The following HSD17B3 variants were observed in gnomAD, a reference collection of about 807,000 sequenced individuals.
HSD17B3 encodes the protein hydroxysteroid 17-beta dehydrogenase 3.
In HSD17B3, 29 loss-of-function variants were observed where a neutral mutation model predicts 41.1. The observed-to-expected ratio is 0.71, with a 90% CI of 0.53 to 0.96. The LOEUF is 0.96. Ranked by LOEUF, HSD17B3 falls within the 40% of genes least tolerant of loss-of-function variation. The pLI is 0.00. For synonymous variants in HSD17B3, 126 were observed against 145.6 expected, an observed-to-expected ratio of 0.87 and a Z score of 0.97; for missense variants, 323 against 374.6, an observed-to-expected ratio of 0.86 and a Z score of 1.14.
intron 2 of HSD17B3, among the ~76,000 whole-genome samples, chr9:96,256,479 C>CA (rs1305099215): frequency 2.0e-5 from 3 of 150,886 alleles, no homozygotes; most frequent in African/African-American, 7.4e-5. Flanking sequence ...ACTAAAAACA[C>CA]AAAAAATAAA....
At chr9:96,267,890 C>A (rs1564043636) in intron 2 of HSD17B3, among the ~76,000 whole-genome samples, 2 of 152,004 alleles carry the variant, frequency 1.3e-5, no homozygotes, top group African/African-American at 2.4e-5. Context: ...GCTGTGCCCC[C>A]ACAGCCTTCC....
chr9:96,252,111 C>CAACT (rs8190540), intron 4 of HSD17B3, among the ~76,000 whole-genome samples: 39,277 of 151,984 alleles, frequency 0.26, 5,301 homozygotes, highest in African/African-American at 0.3. Context: ...AGTCAATTCT[C>CAACT]AACTATACTA....
Position 96,284,063 on chromosome 9 carries a change from CA to C in HSD17B3, c.201+14352del, listed in dbSNP as rs987595339. On this transcript the variant is annotated intron_variant, in intron 2 of 10. Transcript: ENST00000375263. Reference sequence around the variant, plus strand: ...TGAAACCCCATCTCTACTAAAAATACAAAAAAAAATTAGCTGAGCATGGTGG... The same window carrying C: ...TGAAACCCCATCTCTACTAAAAATACAAAAAAAATTAGCTGAGCATGGTGG... 2.7e-5 allele frequency among the ~76,000 whole-genome samples: 4 copies of C among 150,226 alleles called. No homozygotes were observed. In the South Asian group the frequency reaches 8.5e-4, roughly 32 times the overall value.
chr9:96,252,892 C>G lies in HSD17B3; in HGVS notation c.296G>C (p.Ser99Thr). Residue 99 changes from serine to threonine, a missense_variant, in exon 4 of 11, where the codon AGT becomes ACT. Transcript: ENST00000375263. ...AAAATCTGCTTGTATAATCTTCACA[C>G]TCCTCCCTGTAGTCCGCTCTACACG... Reference protein sequence around the residue: ...ATEIERTTGRSVKIIQADFTK... With the variant: ...ATEIERTTGRTVKIIQADFTK... The G allele has an allele frequency of 6.2e-7, 1 of 1,610,354 alleles. No individual in the cohort carries two copies. Among genetic ancestry groups the G allele is most frequent in the Non-Finnish European group, 8.5e-7 (1 of 1,177,204 alleles).
chr9:96,267,990 T>C (rs1251869488), intron 2 of HSD17B3, among the ~76,000 whole-genome samples: 5 of 152,172 alleles, frequency 3.3e-5, no homozygotes, highest in Non-Finnish European at 5.9e-5. Context: ...AGTGGTGCGA[T>C]CTCAGCTCAC....
chr9:96,252,775 C>T (rs1825472753), intron 4 of HSD17B3, 28 bp downstream of exon 4: 2 of 1,168,776 alleles, frequency 1.7e-6, no homozygotes, highest in African/African-American at 1.5e-5. Flanking sequence ...TGTATGACAA[C>T]AAGCTTTGCA....
At chr9:96,245,103 G>A (rs1836607774) in intron 8 of HSD17B3, among the ~76,000 whole-genome samples, 1 of 152,206 alleles carries the variant, frequency 6.6e-6, no homozygotes. Flanking sequence ...TCCCAGAGGA[G>A]GTGAGTGGGG....
chr9:96,296,014 C>T (rs558491456), intron 2 of HSD17B3, among the ~76,000 whole-genome samples: 1 of 151,918 alleles, frequency 6.6e-6, no homozygotes, highest in African/African-American at 2.4e-5. Flanking sequence ...TTTGGGAGGC[C>T]GAGGCAGGCA....
At chr9:96,246,673 C>T (rs1035767783) in intron 6 of HSD17B3, 83 bp from the exon 7 acceptor site, 50 of 1,228,552 alleles carry the variant, frequency 4.1e-5, no homozygotes, top group Middle Eastern at 2.1e-4. Flanking sequence ...GAAGGGAGCG[C>T]GGGAGGAAGC....
chr9:96,281,699 C>T (rs145272901), intron 2 of HSD17B3, among the ~76,000 whole-genome samples: 7 of 152,244 alleles, frequency 4.6e-5, no homozygotes, highest in Non-Finnish European at 8.8e-5. Context: ...TTGTGGTACA[C>T]GGGGAACTTT....
At chr9:96,282,992 CTTTTTTTTTTTT>C (rs58397134) in intron 2 of HSD17B3, among the ~76,000 whole-genome samples, 180 of 71,714 alleles carry the variant, frequency 2.5e-3, no homozygotes, top group African/African-American at 4.9e-3. Context: ...AGGTTTCTTT[CTTTTTTTTTTTT>C]TTTTTTTTTT....
At chr9:96,291,911 C>T (rs1226255942) in intron 2 of HSD17B3, among the ~76,000 whole-genome samples, 2 of 151,724 alleles carry the variant, frequency 1.3e-5, no homozygotes, top group East Asian at 1.9e-4. Context: ...GAACCAAGAT[C>T]GCACCATTGC....
At chr9:96,287,814 G>GTGTC (rs1826983687) in intron 2 of HSD17B3, among the ~76,000 whole-genome samples, 1 of 148,880 alleles carries the variant, frequency 6.7e-6, no homozygotes, top group Non-Finnish European at 1.5e-5. Flanking sequence ...AAAGAGAAAA[G>GTGTC]TGTCCACACA....
intron 2 of HSD17B3, among the ~76,000 whole-genome samples, chr9:96,264,188 A>T (rs533047260): frequency 6.6e-6 from 1 of 152,204 alleles, no homozygotes; most frequent in African/African-American, 2.4e-5. Context: ...ATATAAAAAG[A>T]CTAGTTCTAC....
Position 96,246,471 on chromosome 9 carries a change from G to T in HSD17B3, c.524+85C>A, listed in dbSNP as rs565199635. 38 of 1,151,806 alleles carry T rather than the reference G, an allele frequency of 3.3e-5. No individual in the cohort carries two copies. The African/African-American group carries it at 5.6e-4, about 17-fold the overall frequency. The allele number at this position is 1,151,806 out of a possible 1,614,324, so 71.3% of individuals were successfully genotyped here. The stretch of plus-strand genomic sequence containing the variant: ...TCGTTTGTTAAAGCACAGCCAGATG[G>T]ACTCTGTGTCCCCAGTCCCTGAGTT... On this transcript the variant is annotated intron_variant, in intron 7 of 10. Transcript: ENST00000375263.
At chr9:96,253,701 T>G (rs1437737832) in intron 3 of HSD17B3, among the ~76,000 whole-genome samples, 1 of 152,174 alleles carries the variant, frequency 6.6e-6, no homozygotes, top group East Asian at 1.9e-4. Context: ...TGAGCTGCTT[T>G]GCTTTGGAGT....
At chr9:96,255,686 G>A (rs969753611) in intron 2 of HSD17B3, among the ~76,000 whole-genome samples, 3 of 152,052 alleles carry the variant, frequency 2.0e-5, no homozygotes, top group Non-Finnish European at 2.9e-5. Context: ...CACCATGCCC[G>A]GCCATCTGCC....
chr9:96,236,882 T>C (rs1241127271), intron 10 of HSD17B3, among the ~76,000 whole-genome samples: 1 of 152,158 alleles, frequency 6.6e-6, no homozygotes, highest in Non-Finnish European at 1.5e-5. Flanking sequence ...TCAATCCACC[T>C]ATTCCCTACA....
At chr9:96,250,187 T>C (rs1343032321) in intron 5 of HSD17B3, 2 of 1,150,396 alleles carry the variant, frequency 1.7e-6, no homozygotes, top group Admixed American at 4.2e-5. Context: ...TTCTGGGCTA[T>C]GGAGGGCAGG....
Sources: gnomAD v4.1 joint callset for allele counts (sites outside exome capture counted in the v4.1 genomes callset) on GRCh38, gnomAD v4.1.1 for gene constraint, MANE v1.5 for transcripts, NCBI Gene and HGNC (gene_info 2026-07-23, HGNC 2026-07-21) for gene names.